The following ADAMTS19 variants were observed in gnomAD, a reference collection of about 807,000 sequenced individuals.
ADAMTS19 encodes A disintegrin and metalloproteinase with thrombospondin motifs 19.
In ADAMTS19, 93 loss-of-function variants were observed where a neutral mutation model predicts 153.3. The observed-to-expected ratio is 0.61, with a 90% CI of 0.51 to 0.72. The LOEUF is 0.72. ADAMTS19 is among the 30% of genes least tolerant of loss of function. The pLI is 0.00. For synonymous variants in ADAMTS19, 600 were observed against 556.6 expected, an observed-to-expected ratio of 1.08 and a Z score of -1.10; for missense variants, 1,482 against 1,552.1, an observed-to-expected ratio of 0.95 and a Z score of 0.76.
At chr5:129,553,635 G>A (rs546512472) in intron 7 of ADAMTS19, among the ~76,000 whole-genome samples, 17 of 152,060 alleles carry the variant, frequency 1.1e-4, no homozygotes, top group Non-Finnish European at 1.9e-4. Flanking sequence ...TCCTTAGGTT[G>A]TCATCAGCAC....
At chr5:129,551,605 A>G (rs538896510) in intron 6 of ADAMTS19, among the ~76,000 whole-genome samples, 6 of 151,832 alleles carry the variant, frequency 4.0e-5, no homozygotes, top group Non-Finnish European at 8.9e-5. Context: ...TCAAAACAAG[A>G]TGGGATCTTA....
At chr5:129,522,979 C>G (rs1377843759) in intron 3 of ADAMTS19, among the ~76,000 whole-genome samples, 1 of 151,476 alleles carries the variant, frequency 6.6e-6, no homozygotes, top group Non-Finnish European at 1.5e-5. Context: ...TCACGAGAAC[C>G]CAGAGGCAGA....
intron 10 of ADAMTS19, among the ~76,000 whole-genome samples, chr5:129,626,346 T>C (rs1046326635): frequency 2.0e-5 from 3 of 152,144 alleles, no homozygotes; most frequent in African/African-American, 4.8e-5. Context: ...AGTATCTTAA[T>C]TGATTCATTT....
intron 2 of ADAMTS19, among the ~76,000 whole-genome samples, chr5:129,483,473 C>T (rs1750484138): frequency 6.6e-6 from 1 of 152,130 alleles, no homozygotes; most frequent in Non-Finnish European, 1.5e-5. Context: ...TATTTAACAG[C>T]ATCTATGACC....
intron 7 of ADAMTS19, among the ~76,000 whole-genome samples, chr5:129,576,681 T>A (rs1754115629): frequency 6.6e-6 from 1 of 151,996 alleles, no homozygotes; most frequent in African/African-American, 2.4e-5. Context: ...GGGGACTTTG[T>A]GTAGGTCAGC....
chr5:129,594,460 T>G (rs1414018223), intron 7 of ADAMTS19, among the ~76,000 whole-genome samples: 1 of 152,164 alleles, frequency 6.6e-6, no homozygotes, highest in Non-Finnish European at 1.5e-5. Context: ...GCATGCTAAT[T>G]ACAGTGAGCT....
At chr5:129,726,421 G>C (rs941482615) in intron 21 of ADAMTS19, among the ~76,000 whole-genome samples, 5 of 151,978 alleles carry the variant, frequency 3.3e-5, no homozygotes, top group African/African-American at 1.2e-4. Flanking sequence ...TTAGCATTTG[G>C]CTTTTTAGTG....
intron 10 of ADAMTS19, among the ~76,000 whole-genome samples, chr5:129,639,228 G>A (rs557381266): frequency 2.3e-4 from 35 of 152,172 alleles, no homozygotes; most frequent in Admixed American, 2.0e-4. Context: ...TATAATACCC[G>A]TAATGCCCCA....
At chr5:129,503,309 G>T (rs1328341087) in intron 2 of ADAMTS19, among the ~76,000 whole-genome samples, 1 of 152,052 alleles carries the variant, frequency 6.6e-6, no homozygotes, top group Non-Finnish European at 1.5e-5. Flanking sequence ...GATAGATATG[G>T]TGTCAGAAGT....
chr5:129,565,295 A>G (rs1244821137), intron 7 of ADAMTS19, among the ~76,000 whole-genome samples: 1 of 152,170 alleles, frequency 6.6e-6, no homozygotes, highest in Non-Finnish European at 1.5e-5. Context: ...GCCACAAAGC[A>G]TTGGCTATTG....
chr5:129,731,512 A>T (rs6595920), intron 21 of ADAMTS19, among the ~76,000 whole-genome samples: 2,386 of 152,226 alleles, frequency 0.016, 61 homozygotes, highest in African/African-American at 0.053. Flanking sequence ...GAGCATATAT[A>T]TGTAAATAAA....
intron 9 of ADAMTS19, among the ~76,000 whole-genome samples, chr5:129,621,302 C>T (rs1187738830): frequency 6.6e-6 from 1 of 152,012 alleles, no homozygotes; most frequent in African/African-American, 2.4e-5. Context: ...TTTTAAAGCA[C>T]TTGTTCATTT....
chr5:129,524,457 G>A (rs541725978), intron 3 of ADAMTS19, among the ~76,000 whole-genome samples: 1 of 152,008 alleles, frequency 6.6e-6, no homozygotes, highest in African/African-American at 2.4e-5. Flanking sequence ...TTGACAAATG[G>A]GATCTAATTA....
intron 8 of ADAMTS19, among the ~76,000 whole-genome samples, chr5:129,608,621 CTAAA>C (rs1235103440): frequency 6.6e-6 from 1 of 151,892 alleles, no homozygotes; most frequent in African/African-American, 2.4e-5. Flanking sequence ...ACACTAAGAA[CTAAA>C]TAGAGACCAG....
chr5:129,471,399 A>T lies in ADAMTS19; in HGVS notation c.747+9642A>T, dbSNP rs1477090603. 2.7e-5 allele frequency among the ~76,000 whole-genome samples: 4 copies of T among 150,290 alleles called. No homozygotes were observed. In the East Asian group the frequency reaches 7.8e-4, roughly 29 times the overall value. ...GAAAGAAAGACAGAGAAAGAGAGGG[A>T]TAGGGAGGGAAGGAGGTAGGGAGGA... On this transcript the variant is annotated intron_variant, in intron 2 of 22. Coordinates refer to ENST00000274487, the MANE Select transcript of ADAMTS19 (RefSeq NM_133638.6).
At chr5:129,731,021 T>A (rs557837864) in intron 21 of ADAMTS19, among the ~76,000 whole-genome samples, 143 of 152,068 alleles carry the variant, frequency 9.4e-4, no homozygotes, top group African/African-American at 3.3e-3. Context: ...TGCAGTGGCA[T>A]GATCTTGGCT....
chr5:129,691,275 G>T (rs1034152475), intron 18 of ADAMTS19, among the ~76,000 whole-genome samples: 1 of 152,014 alleles, frequency 6.6e-6, no homozygotes, highest in Non-Finnish European at 1.5e-5. Flanking sequence ...ATTTATAATT[G>T]TATTCAAAAC....
chr5:129,478,522 G>A (rs969846016), intron 2 of ADAMTS19, among the ~76,000 whole-genome samples: 2 of 152,084 alleles, frequency 1.3e-5, no homozygotes, highest in South Asian at 2.1e-4. Flanking sequence ...ACAAGGATAC[G>A]TAGAAAGTGG....
intron 6 of ADAMTS19, among the ~76,000 whole-genome samples, chr5:129,530,663 G>A (rs114304290): frequency 3.4e-4 from 52 of 151,650 alleles, no homozygotes; most frequent in African/African-American, 1.2e-3. Context: ...TCTCTGAAAG[G>A]GTATCTATCG....
Sources: allele counts gnomAD v4.1 joint callset (sites outside exome capture counted in the v4.1 genomes callset), GRCh38; gene constraint gnomAD v4.1.1; transcripts MANE v1.5; gene names NCBI Gene and HGNC (gene_info 2026-07-23, HGNC 2026-07-21).